CTNNA2: variants seen among roughly 807,000 people sequenced by gnomAD.
CTNNA2 encodes catenin alpha-2.
Under a neutral mutation model 101.0 loss-of-function variants are expected in CTNNA2, and 42 were observed. The ratio of observed to expected loss-of-function variants is 0.42; its 90% CI spans 0.32 to 0.54. The LOEUF is 0.54. Among genes scored for constraint, CTNNA2 ranks in the 20% least tolerant of loss-of-function variants. The pLI, the probability that CTNNA2 is intolerant of heterozygous loss-of-function variation, is 0.14. For missense variants in CTNNA2, 871 were observed against 1,223.1 expected (o/e 0.71, Z 4.29); for synonymous variants, 450 against 456.4 (o/e 0.99, Z 0.18).
chr2:79,684,120 G>A (rs1683770452), intron 2 of CTNNA2, among the ~76,000 whole-genome samples: 1 of 152,134 alleles, frequency 6.6e-6, no homozygotes, highest in African/African-American at 2.4e-5. Context: ...ACAATTAAGA[G>A]CACACTTATT....
chr2:79,188,887 C>G (rs978255902), intron 1 of CTNNA2, among the ~76,000 whole-genome samples: 6 of 152,166 alleles, frequency 3.9e-5, no homozygotes, highest in African/African-American at 1.4e-4. Flanking sequence ...GAAAGCAATA[C>G]ACAATGTTAT....
intron 2 of CTNNA2, among the ~76,000 whole-genome samples, chr2:79,666,793 A>C (rs549259275): frequency 6.6e-6 from 1 of 152,222 alleles, no homozygotes; most frequent in Admixed American, 6.5e-5. Context: ...AGTGGCTTAC[A>C]TAAGAGGGGT....
intron 15 of CTNNA2, among the ~76,000 whole-genome samples, chr2:80,591,290 C>G (rs1342479957): frequency 6.6e-6 from 1 of 151,942 alleles, no homozygotes. Context: ...GTCTAGGGAG[C>G]TACTAGTTAC....
At chr2:80,389,581 G>A (rs952189816) in intron 7 of CTNNA2, among the ~76,000 whole-genome samples, 2 of 152,028 alleles carry the variant, frequency 1.3e-5, no homozygotes, top group African/African-American at 4.8e-5. Context: ...TAAAATTATG[G>A]CCACATTTAG....
chr2:79,465,435 CT>C (rs1447774968), intron 4 of CTNNA2, among the ~76,000 whole-genome samples: 11 of 152,080 alleles, frequency 7.2e-5, no homozygotes, highest in Admixed American at 7.2e-4. Flanking sequence ...CAGCTTTGTT[CT>C]TTTGGCTTAG....
chr2:79,904,789 G>A (rs1291102934), intron 6 of CTNNA2, among the ~76,000 whole-genome samples: 2 of 152,174 alleles, frequency 1.3e-5, no homozygotes, highest in African/African-American at 4.8e-5. Flanking sequence ...AGCCAGCTCG[G>A]TGTCTCATTG....
At chr2:79,688,004 G>A (rs114909118) in intron 2 of CTNNA2, among the ~76,000 whole-genome samples, 35 of 152,190 alleles carry the variant, frequency 2.3e-4, no homozygotes, top group African/African-American at 8.4e-4. Flanking sequence ...TTCGATTTGA[G>A]AGGAGGGAAA....
intron 3 of CTNNA2, among the ~76,000 whole-genome samples, chr2:79,842,974 A>G (rs988545229): frequency 3.3e-5 from 5 of 152,238 alleles, no homozygotes; most frequent in African/African-American, 1.2e-4. Flanking sequence ...CACACAGAGT[A>G]TGGCAAAATA....
chr2:79,524,727 T>C (rs1344408241), intron 1 of CTNNA2: 1 of 152,004 alleles, frequency 6.6e-6, no homozygotes, highest in Non-Finnish European at 1.5e-5. Context: ...CACACCTATT[T>C]TGCTTTTAAA....
Position 80,615,912 on chromosome 2 carries a change from T to C in CTNNA2, c.2431-3173T>C, listed in dbSNP as rs1698814366. Among the ~76,000 whole-genome samples, 3 of 151,764 alleles carry C rather than the reference T, an allele frequency of 2.0e-5. No homozygotes were observed. The South Asian group carries it at 6.2e-4, about 31-fold the overall frequency. ...ACACATTGTCTTACTCTATCTTAAA[T>C]AGTAATTTTCCTTCTGGGCTATAAA... On this transcript the variant is annotated intron_variant, in intron 17 of 18. Coordinates refer to ENST00000402739, the MANE Select transcript of CTNNA2 (RefSeq NM_001282597.3).
chr2:80,270,541 A>G (rs1673384330), intron 7 of CTNNA2, among the ~76,000 whole-genome samples: 1 of 152,176 alleles, frequency 6.6e-6, no homozygotes, highest in Non-Finnish European at 1.5e-5. Flanking sequence ...AAATTTTTAG[A>G]CACAATTCAG....
intron 16 of CTNNA2, among the ~76,000 whole-genome samples, 174 bp from the exon 17 acceptor site, chr2:80,608,010 C>T (rs1345490952): frequency 1.3e-5 from 2 of 151,792 alleles, no homozygotes; most frequent in African/African-American, 4.8e-5. Flanking sequence ...TAGAGCCAAC[C>T]ATTCTAAACT....
chr2:79,649,994 G>A lies in CTNNA2; in HGVS notation c.-5-1558G>A, dbSNP rs527882492. ...GATTTATAAGGTTGGAATTGAATGGGGACATTGATTCAAAATAAAAGAACA... is the reference window on the plus strand; with the variant it reads ...GATTTATAAGGTTGGAATTGAATGGAGACATTGATTCAAAATAAAAGAACA... On this transcript the variant is annotated intron_variant, in intron 1 of 18. Transcript: ENST00000402739. Among the ~76,000 whole-genome samples, 8 of 152,096 alleles carry A rather than the reference G, an allele frequency of 5.3e-5. No homozygotes were observed. In the South Asian group the frequency reaches 1.7e-3, roughly 32 times the overall value.
rs370714831 is a variant in CTNNA2 at position 79,780,360 on chromosome 2, T to G, written c.298+35778T>G. On this transcript the variant is annotated intron_variant, in intron 3 of 18. Coordinates refer to ENST00000402739, the MANE Select transcript of CTNNA2 (RefSeq NM_001282597.3). Reference sequence around the variant, plus strand: ...AAATCTCTTCAAATATTTTGCAGTTTGACTCTTTTTGTGAACAATCACATT... The same window carrying G: ...AAATCTCTTCAAATATTTTGCAGTTGGACTCTTTTTGTGAACAATCACATT... Among the ~76,000 whole-genome samples the G allele has an allele frequency of 3.3e-5, 5 of 152,214 alleles. No individual in the cohort carries two copies. In the East Asian group the frequency reaches 7.7e-4, roughly 23 times the overall value.
chr2:80,196,616 G>T (rs1016842349), intron 7 of CTNNA2, among the ~76,000 whole-genome samples: 1 of 152,006 alleles, frequency 6.6e-6, no homozygotes, highest in African/African-American at 2.4e-5. Context: ...CTTTTTATTG[G>T]ATAATTTTGA....
At chr2:80,009,553 A>G (rs1693618413) in intron 7 of CTNNA2, among the ~76,000 whole-genome samples, 1 of 152,182 alleles carries the variant, frequency 6.6e-6, no homozygotes, top group African/African-American at 2.4e-5. Context: ...GCACACATAC[A>G]TGAAAATATA....
At chr2:79,762,539 A>T (rs912792908) in intron 3 of CTNNA2, among the ~76,000 whole-genome samples, 1 of 152,198 alleles carries the variant, frequency 6.6e-6, no homozygotes, top group African/African-American at 2.4e-5. Flanking sequence ...CCCTTTGCAT[A>T]GAGTGTCCTA....
chr2:80,313,570 A>G (rs1354507222), intron 7 of CTNNA2: 3 of 1,611,178 alleles, frequency 1.9e-6, no homozygotes, highest in Middle Eastern at 1.6e-4. Flanking sequence ...AGATGGATGG[A>G]TGGAGAAGGC....
intron 7 of CTNNA2, among the ~76,000 whole-genome samples, chr2:80,170,217 C>G (rs1038514129): frequency 5.3e-4 from 80 of 150,836 alleles, no homozygotes; most frequent in Non-Finnish European, 9.1e-4. Context: ...CTATCTCTCT[C>G]TCTCTCTCTC....
Sources: allele counts gnomAD v4.1 joint callset (sites outside exome capture counted in the v4.1 genomes callset), GRCh38; gene constraint gnomAD v4.1.1; transcripts MANE v1.5; gene names NCBI Gene and HGNC (gene_info 2026-07-23, HGNC 2026-07-21).